Variants in SGCD observed in about 807,000 individuals in gnomAD.
SGCD encodes delta-sarcoglycan.
SGCD carries 18 observed loss-of-function variants against 36.6 expected under a neutral mutation model. That is an observed-to-expected ratio of 0.49 (90% CI 0.34 to 0.73). The LOEUF is 0.73. Ranked by LOEUF, SGCD falls within the 30% of genes least tolerant of loss-of-function variation. SGCD has a pLI of 0.01. For missense variants in SGCD, 387 were observed against 346.7 expected (o/e 1.12, Z -0.92); for synonymous variants, 133 against 130.6 (o/e 1.02, Z -0.12).
At chr5:156,502,388 C>A (rs540775960) in intron 3 of SGCD, among the ~76,000 whole-genome samples, 2 of 152,212 alleles carry the variant, frequency 1.3e-5, no homozygotes, top group African/African-American at 4.8e-5. Context: ...TGCTCTTTCC[C>A]AGGCTGGAGA....
intron 3 of SGCD, among the ~76,000 whole-genome samples, chr5:156,356,788 G>A (rs1424859123): frequency 2.6e-5 from 4 of 152,164 alleles, no homozygotes. Context: ...GGATTACCCA[G>A]GTGGGCCCTC....
intron 1 of SGCD, among the ~76,000 whole-genome samples, chr5:155,889,092 T>C (rs1012786366): frequency 2.0e-5 from 3 of 152,232 alleles, no homozygotes; most frequent in African/African-American, 7.2e-5. Context: ...TTACTATATG[T>C]ATCTTCACCC....
At chr5:156,490,487 C>CA (rs57894090) in intron 3 of SGCD, among the ~76,000 whole-genome samples, 2,948 of 147,820 alleles carry the variant, frequency 0.02, 28 homozygotes, top group Middle Eastern at 0.031. Context: ...TGTAACATAT[C>CA]AAAAAAAAAA....
Position 156,054,443 on chromosome 5 carries a change from G to A in SGCD, c.-281-63435G>A, listed in dbSNP as rs559702830. On this transcript the variant is annotated intron_variant, in intron 1 of 9. Coordinates refer to the SGCD transcript ENST00000517913. ...TGGGACTACAGGCACCCGCCACCAC[G>A]CCTGGCTAATTTTTTGTATTTTTAG... Among the ~76,000 whole-genome samples the A allele has an allele frequency of 4.1e-5, 6 of 144,852 alleles. No individual in the cohort carries two copies. The East Asian group carries it at 1.2e-3, about 28-fold the overall frequency.
At chr5:156,668,149 C>T (rs141213208) in intron 7 of SGCD, among the ~76,000 whole-genome samples, 1 of 152,270 alleles carries the variant, frequency 6.6e-6, no homozygotes, top group African/African-American at 2.4e-5. Flanking sequence ...GTAGTACCTG[C>T]CCAGAAAACA....
At chr5:156,309,881 G>A (rs1554091957) in intron 3 of SGCD, among the ~76,000 whole-genome samples, 1 of 151,786 alleles carries the variant, frequency 6.6e-6, no homozygotes, top group Admixed American at 6.6e-5. Flanking sequence ...TGTTGTTGTT[G>A]TTGTTTTTCT....
At chr5:156,213,217 T>A (rs1206631678) in intron 3 of SGCD, among the ~76,000 whole-genome samples, 1 of 151,872 alleles carries the variant, frequency 6.6e-6, no homozygotes, top group Non-Finnish European at 1.5e-5. Context: ...CTAAGGGTTG[T>A]TTTTTGCAGT....
chr5:155,815,657 T>C, the SGCD span, among the ~76,000 whole-genome samples: 3 of 152,230 alleles, frequency 2.0e-5, no homozygotes, highest in Non-Finnish European at 4.4e-5. Context: ...ACATCCTACA[T>C]GGCTGGATTA....
At chr5:156,113,026 A>G (rs567961097) in intron 1 of SGCD, among the ~76,000 whole-genome samples, 1 of 152,288 alleles carries the variant, frequency 6.6e-6, no homozygotes, top group African/African-American at 2.4e-5. Context: ...TGTGCATTTA[A>G]TTTATGTAAA....
intron 1 of SGCD, among the ~76,000 whole-genome samples, chr5:156,012,312 G>A (rs772133040): frequency 8.5e-5 from 13 of 152,060 alleles, no homozygotes; most frequent in East Asian, 1.9e-4. Context: ...ACATGCTTAC[G>A]TATTATTACA....
At chr5:156,698,840 TACACACACACACACACAC>T (rs150929203) in intron 7 of SGCD, among the ~76,000 whole-genome samples, 2 of 139,984 alleles carry the variant, frequency 1.4e-5, no homozygotes, top group Non-Finnish European at 3.1e-5. Context: ...TAAATTAAAA[TACACACACACACACACAC>T]ACACACACAC....
At position 155,926,318 on chromosome 5, in the gene SGCD, G is replaced by A. The variant is rs182054152; in HGVS notation, c.-282+55894G>A. 4.7e-4 allele frequency among the ~76,000 whole-genome samples: 71 copies of A among 152,208 alleles called. 1 individual carries two copies. The Middle Eastern group carries it at 0.014, about 29-fold the overall frequency. On this transcript the variant is annotated intron_variant, in intron 1 of 9. Coordinates refer to the SGCD transcript ENST00000517913. ...AACCACTGCATTCCATTTACCCTAT[G>A]TTTGTGCCGCCTGTGGCTGTTCAAG... is the stretch of plus-strand genomic sequence containing the variant.
intron 1 of SGCD, among the ~76,000 whole-genome samples, chr5:156,112,179 G>A (rs1761804123): frequency 6.6e-6 from 1 of 152,192 alleles, no homozygotes; most frequent in Non-Finnish European, 1.5e-5. Flanking sequence ...CAGTAAGTGA[G>A]ATGTAAAATT....
chr5:156,011,931 AGAT>A (rs955766309), intron 1 of SGCD, among the ~76,000 whole-genome samples: 40 of 152,318 alleles, frequency 2.6e-4, no homozygotes, highest in African/African-American at 9.6e-4. Flanking sequence ...GTAATAGACT[AGAT>A]CTACCCCCAA....
intron 3 of SGCD, among the ~76,000 whole-genome samples, chr5:156,500,128 G>A (rs901971880): frequency 7.2e-5 from 11 of 151,996 alleles, no homozygotes; most frequent in Non-Finnish European, 1.5e-4. Context: ...TTGTCCACTG[G>A]GGGCTGTATC....
At chr5:156,589,422 C>A in intron 5 of SGCD, 104 bp downstream of exon 5, 2 of 657,572 alleles carry the variant, frequency 3.0e-6, no homozygotes, top group Non-Finnish European at 2.7e-6. Flanking sequence ...ATAAAGTGTG[C>A]TAACACATTG....
At position 156,025,741 on chromosome 5, in the gene SGCD, C is replaced by G. The variant is rs188665223; in HGVS notation, c.-281-92137C>G. The stretch of plus-strand genomic sequence containing the variant: ...TATAATGGAAATTGCTGTAAGTGTG[C>G]TGTTTGCCACTCTGATTCTCAGACT... On this transcript the variant is annotated intron_variant, in intron 1 of 9. Coordinates refer to the SGCD transcript ENST00000517913. 2.7e-5 allele frequency among the ~76,000 whole-genome samples: 4 copies of G among 150,430 alleles called. No individual in the cohort carries two copies. The Admixed American group carries it at 2.7e-4, about 10-fold the overall frequency.
At chr5:155,961,694 T>C (rs986907073) in intron 1 of SGCD, among the ~76,000 whole-genome samples, 1 of 152,138 alleles carries the variant, frequency 6.6e-6, no homozygotes, top group African/African-American at 2.4e-5. Flanking sequence ...GAAAGTAAGG[T>C]ATTTATGAAA....
At chr5:156,146,180 T>G (rs1762707566) in intron 3 of SGCD, among the ~76,000 whole-genome samples, 1 of 152,130 alleles carries the variant, frequency 6.6e-6, no homozygotes, top group Admixed American at 6.6e-5. Context: ...GCCATTGCAC[T>G]CCAGCCTGGG....
Sources: allele counts gnomAD v4.1 joint callset (sites outside exome capture counted in the v4.1 genomes callset), GRCh38; gene constraint gnomAD v4.1.1; transcripts MANE v1.5; gene names NCBI Gene and HGNC (gene_info 2026-07-23, HGNC 2026-07-21).